The following PCDHGA5 variants were observed in gnomAD, a reference collection of about 807,000 sequenced individuals.
The protein encoded by PCDHGA5 is protocadherin gamma-A5.
A neutral mutation model predicts 56.7 loss-of-function variants in PCDHGA5; 36 were observed. The observed-to-expected ratio is 0.64, with a 90% confidence interval of 0.49 to 0.84. The LOEUF is 0.84. PCDHGA5 is among the 40% of genes least tolerant of loss of function. The probability of loss-of-function intolerance (pLI) is 0.00; values close to 1 mark genes in which losing one functional copy is unlikely to be tolerated. For missense variants in PCDHGA5, 1,305 were observed against 1,201.5 expected (o/e 1.09, Z -1.27); for synonymous variants, 563 against 520.2 (o/e 1.08, Z -1.12).
At chr5:141,413,722 T>TCC (rs1330658153) in intron 1 of PCDHGA5, 1 of 1,613,450 alleles carries the variant, frequency 6.2e-7, no homozygotes. Context: ...TAAGCACTTC[T>TCC]CCCTAAGAGT....
chr5:141,431,991 A>T lies in PCDHGA5; in HGVS notation c.2422-62816A>T, dbSNP rs1046547219. On this transcript the variant is annotated intron_variant, in intron 1 of 3. Transcript: ENST00000518069. The surrounding 1 kb of genome is among the most constrained non-coding windows in gnomAD (Gnocchi z 4.8). ...AGTTTAGTCACAGACATAGTCTTGG[A>T]TAGGGAACAGGTTCCTAGCTACAAC... is the stretch of plus-strand genomic sequence containing the variant. 5 of 1,614,100 alleles carry T rather than the reference A, an allele frequency of 3.1e-6. No individual in the cohort carries two copies. Among genetic ancestry groups the T allele is most frequent in the Non-Finnish European group, 3.4e-6 (4 of 1,180,050 alleles).
At chr5:141,398,893 C>G in intron 1 of PCDHGA5, 1 of 1,613,962 alleles carries the variant, frequency 6.2e-7, no homozygotes, top group Admixed American at 1.7e-5. Flanking sequence ...GGAAAACGTG[C>G]CACCAGGCAC....
intron 1 of PCDHGA5, among the ~76,000 whole-genome samples, chr5:141,368,562 A>G (rs1765727979): frequency 6.6e-6 from 1 of 152,144 alleles, no homozygotes; most frequent in African/African-American, 2.4e-5. Flanking sequence ...AGAAAATGTT[A>G]TATGCTTCTT....
chr5:141,422,563 G>A, intron 1 of PCDHGA5: 3 of 1,613,986 alleles, frequency 1.9e-6, no homozygotes, highest in African/African-American at 1.3e-5. Flanking sequence ...TGTGGCAGAT[G>A]ACAACGATAA....
chr5:141,495,005 C>A, intron 2 of PCDHGA5, 140 bp downstream of exon 2: 1 of 1,522,810 alleles, frequency 6.6e-7, no homozygotes. Context: ...TCTTGGTGTG[C>A]GGGGGGCTGG....
At chr5:141,383,567 C>T in intron 1 of PCDHGA5, 1 of 1,613,214 alleles carries the variant, frequency 6.2e-7, no homozygotes, top group Non-Finnish European at 8.5e-7. Context: ...CCGCCCCGAT[C>T]CAGCACCGCC....
Position 141,491,913 on chromosome 5 carries a change from T to C in PCDHGA5, c.2422-2894T>C, listed in dbSNP as rs2099735120. 2.1e-6 allele frequency: 3 copies of C among 1,398,206 alleles called. No homozygotes were observed. Among genetic ancestry groups the C allele is most frequent in the Non-Finnish European group, 2.9e-6 (3 of 1,051,918 alleles). The allele number at this position is 1,398,206 out of a possible 1,614,324, so 86.6% of individuals were successfully genotyped here. On this transcript the variant is annotated intron_variant, in intron 1 of 3. Coordinates refer to ENST00000518069, the MANE Select transcript of PCDHGA5 (RefSeq NM_018918.3). The surrounding 1 kb of genome is among the most constrained non-coding windows in gnomAD (Gnocchi z 6.9). ...TCCGAGCACCGGGGGTGGTGGCGAC[T>C]GTGGGCGAGGGGAGGTGGGACCGAC... is the stretch of plus-strand genomic sequence containing the variant.
intron 1 of PCDHGA5, chr5:141,390,730 A>T (rs964390196): frequency 2.0e-5 from 4 of 195,852 alleles, no homozygotes; most frequent in Non-Finnish European, 3.1e-5. Flanking sequence ...TTTAACTGGT[A>T]TGGTCTCCAT....
intron 1 of PCDHGA5, chr5:141,371,152 A>G (rs1767538477): frequency 9.3e-6 from 15 of 1,614,060 alleles, no homozygotes; most frequent in Non-Finnish European, 1.2e-5. Context: ...AATGTTGCAG[A>G]GAACCTGCCC....
rs762138055 is a variant in PCDHGA5, at chr5:141,490,757, T to C, written c.2422-4050T>C. 6.2e-7 allele frequency: 1 copy of C among 1,613,918 alleles called. No homozygotes were observed. The highest frequency in any genetic ancestry group is 2.2e-5 in the East Asian group (1 of 44,892). On this transcript the variant is annotated intron_variant, in intron 1 of 3. Coordinates refer to ENST00000518069, the MANE Select transcript of PCDHGA5 (RefSeq NM_018918.3). The surrounding 1 kb of genome is among the most constrained non-coding windows in gnomAD (Gnocchi z 5.4). ...GTTCAGGGAGCCCCAGCCTCCTCCT[T>C]TGTGTATGTCAACCCAGAGGATGGA...
intron 1 of PCDHGA5, chr5:141,375,358 G>T: frequency 6.2e-7 from 1 of 1,613,810 alleles, no homozygotes; most frequent in Non-Finnish European, 8.5e-7. Flanking sequence ...TGACAGCCAC[G>T]GACAAAGGAA....
chr5:141,420,415 TAAAAC>T, intron 1 of PCDHGA5: 1 of 1,217,298 alleles, frequency 8.2e-7, no homozygotes, highest in Non-Finnish European at 1.1e-6. Flanking sequence ...TTATCATTAT[TAAAAC>T]AAAAGTTTAA....
chr5:141,418,477 C>G (rs2154547707), intron 1 of PCDHGA5: 1 of 1,614,016 alleles, frequency 6.2e-7, no homozygotes, highest in Non-Finnish European at 8.5e-7. Context: ...AAACGCAGAG[C>G]GCTCACCACT....
At chr5:141,374,857 C>T in intron 1 of PCDHGA5, 1 of 1,613,768 alleles carries the variant, frequency 6.2e-7, no homozygotes, top group East Asian at 2.2e-5. Context: ...TGCCAGTAGG[C>T]ACACCAGTGT....
chr5:141,365,990 G>A lies in PCDHGA5; in HGVS notation c.1660G>A (p.Asp554Asn). The A allele has an allele frequency of 6.2e-7, 1 of 1,614,216 alleles. No homozygotes were observed. Among genetic ancestry groups the A allele is most frequent in the Non-Finnish European group, 8.5e-7 (1 of 1,180,038 alleles). Reference protein sequence around the residue: ...SNVSLSLFVLDQNDNTPEILY... With the variant: ...SNVSLSLFVLNQNDNTPEILY... ...CGTGTCGCTGAGCCTGTTTGTGCTGGACCAGAACGACAATACGCCTGAGAT... is the reference window on the plus strand; with the variant it reads ...CGTGTCGCTGAGCCTGTTTGTGCTGAACCAGAACGACAATACGCCTGAGAT... Residue 554 changes from aspartate (D) to asparagine (N), a missense_variant, in exon 1 of 4, where the codon GAC becomes AAC. Transcript: ENST00000518069.
intron 1 of PCDHGA5, among the ~76,000 whole-genome samples, chr5:141,456,691 G>A (rs564429451): frequency 3.3e-5 from 5 of 152,234 alleles, no homozygotes; most frequent in South Asian, 4.1e-4. Flanking sequence ...CTGGCCAGGC[G>A]TGGTGGCTCG....
At chr5:141,410,886 C>A in intron 1 of PCDHGA5, 1 of 290,056 alleles carries the variant, frequency 3.4e-6, no homozygotes, top group Non-Finnish European at 5.6e-6. Flanking sequence ...TGGAGTCTCG[C>A]ACTGTTGCCT....
chr5:141,374,769 T>C, intron 1 of PCDHGA5: 1 of 1,613,762 alleles, frequency 6.2e-7, no homozygotes. Context: ...GCCCAAATTC[T>C]GGTAACAGTT....
intron 1 of PCDHGA5, chr5:141,408,050 G>C: frequency 7.9e-7 from 1 of 1,259,544 alleles, no homozygotes; most frequent in South Asian, 1.6e-5. Context: ...CCCACACAGA[G>C]CCTCCCGGCT....
Sources: gnomAD v4.1 joint callset for allele counts (sites outside exome capture counted in the v4.1 genomes callset) on GRCh38, gnomAD v4.1.1 for gene constraint, Gnocchi (gnomAD v3.1) non-coding constraint, MANE v1.5 for transcripts, NCBI Gene and HGNC (gene_info 2026-07-23, HGNC 2026-07-21) for gene names.